CLIP1: variants seen among roughly 807,000 people sequenced by gnomAD.
CLIP1 encodes the protein CAP-Gly domain-containing linker protein 1.
A neutral mutation model predicts 161.6 loss-of-function variants in CLIP1; 66 were observed. The observed-to-expected ratio is 0.41, with a 90% CI of 0.33 to 0.50. The LOEUF (loss-of-function observed/expected upper bound fraction) is 0.50. CLIP1 is among the 20% of genes least tolerant of loss of function. CLIP1 has a pLI of 0.27. For synonymous variants in CLIP1, 598 were observed against 626.2 expected (o/e 0.96, Z 0.67); for missense variants, 1,376 against 1,702.0 (o/e 0.81, Z 3.37).
intron 15 of CLIP1, among the ~76,000 whole-genome samples, chr12:122,329,709 T>G (rs180798138): frequency 6.6e-6 from 1 of 152,018 alleles, no homozygotes; most frequent in South Asian, 2.1e-4. Context: ...TTTAGCAGAC[T>G]AGATTACTAA....
chr12:122,411,051 A>G (rs1028104490), intron 1 of CLIP1, among the ~76,000 whole-genome samples: 2 of 152,210 alleles, frequency 1.3e-5, no homozygotes, highest in African/African-American at 4.8e-5. Flanking sequence ...GAGTTCGCAT[A>G]TGACCCAGCA....
chr12:122,360,059 G>T (rs373065279), intron 5 of CLIP1, among the ~76,000 whole-genome samples: 1 of 152,016 alleles, frequency 6.6e-6, no homozygotes, highest in Non-Finnish European at 1.5e-5. Context: ...AGGGAGAGAG[G>T]GAAAGGGACC....
chr12:122,294,640 G>A (rs1003414358), intron 20 of CLIP1, among the ~76,000 whole-genome samples: 4 of 152,080 alleles, frequency 2.6e-5, no homozygotes, highest in Admixed American at 2.0e-4. Context: ...ACAGACGCCT[G>A]TAGTCCTAGC....
At chr12:122,410,695 G>C (rs1175137878) in intron 1 of CLIP1, among the ~76,000 whole-genome samples, 1 of 152,066 alleles carries the variant, frequency 6.6e-6, no homozygotes, top group Non-Finnish European at 1.5e-5. Context: ...CTGACCTCAA[G>C]TGATCTGCCC....
intron 1 of CLIP1, among the ~76,000 whole-genome samples, chr12:122,404,428 G>A (rs1003524394): frequency 2.6e-4 from 40 of 151,974 alleles, no homozygotes; most frequent in African/African-American, 9.7e-4. Context: ...GGTGAAACCT[G>A]TCTCTACTAA....
chr12:122,397,793 A>G (rs1036430054), intron 1 of CLIP1, among the ~76,000 whole-genome samples: 3 of 150,928 alleles, frequency 2.0e-5, no homozygotes, highest in Non-Finnish European at 3.0e-5. Context: ...TTACTAAAAA[A>G]AAAATATAAA....
chr12:122,330,843 C>T (rs1010811339), intron 15 of CLIP1, among the ~76,000 whole-genome samples: 141 of 151,606 alleles, frequency 9.3e-4, no homozygotes, highest in Non-Finnish European at 1.8e-3. Context: ...CCTCGTGATC[C>T]GCCTGCCTCA....
chr12:122,352,684 C>T (rs753327590), intron 8 of CLIP1, 42 bp downstream of exon 8: 5 of 1,515,966 alleles, frequency 3.3e-6, no homozygotes, highest in Non-Finnish European at 2.8e-6. Flanking sequence ...GTTCTGAATA[C>T]TGATACCCAT....
intron 1 of CLIP1, among the ~76,000 whole-genome samples, chr12:122,390,883 G>A (rs894858448): frequency 2.0e-5 from 3 of 151,888 alleles, no homozygotes; most frequent in African/African-American, 7.3e-5. Flanking sequence ...GTACTCCCTC[G>A]AATATGAGAA....
At chr12:122,366,109 G>A (rs1954154194) in intron 3 of CLIP1, among the ~76,000 whole-genome samples, 1 of 151,906 alleles carries the variant, frequency 6.6e-6, no homozygotes, top group South Asian at 2.1e-4. Context: ...GAGTTTGAGA[G>A]CAGCCTGGCC....
Position 122,316,729 on chromosome 12 carries a change from C to T in CLIP1, c.3473+20G>A. The T allele has an allele frequency of 1.5e-6, 2 of 1,351,318 alleles. No homozygotes were observed. Among genetic ancestry groups the T allele is most frequent in the Non-Finnish European group, 2.0e-6 (2 of 977,956 alleles). 83.7% of individuals were successfully genotyped at this position (1,351,318 alleles called of 1,614,324 possible). ...TTTAAAATAAATTCCATATTTTTTT[C>T]TCAAAGGATAGAAACTTACATTTCT... is the stretch of plus-strand genomic sequence containing the variant. On this transcript the variant is annotated intron_variant, in intron 19 of 25. Coordinates refer to ENST00000620786, the MANE Select transcript of CLIP1 (RefSeq NM_001247997.2).
chr12:122,310,116 T>C (rs1466561614), intron 19 of CLIP1, among the ~76,000 whole-genome samples: 2 of 152,130 alleles, frequency 1.3e-5, no homozygotes, highest in Admixed American at 1.3e-4. Flanking sequence ...ATAAACCCTA[T>C]GCCCACCCTC....
chr12:122,382,509 GAA>G (rs919606367), intron 1 of CLIP1, among the ~76,000 whole-genome samples: 3 of 135,838 alleles, frequency 2.2e-5, no homozygotes, highest in Admixed American at 7.4e-5. Context: ...CCTCGAAAAA[GAA>G]AAAAAAAAAG....
rs188437691 is a variant in CLIP1, at chr12:122,296,927, G to A, written c.3595-8386C>T. Among the ~76,000 whole-genome samples the A allele has an allele frequency of 2.1e-3, 312 of 151,114 alleles. 4 individuals are homozygous for A. Among genetic ancestry groups the A allele is most frequent in the African/African-American group, 7.3e-3 (299 of 41,074 alleles). On this transcript the variant is annotated intron_variant, in intron 20 of 25. Transcript: ENST00000620786. ...TAGAGAGGATGAATGGGAGTACAGC[G>A]TAGACGAGTGGCCAAGAGTTAATTG...
chr12:122,377,079 G>A (rs1447073839), intron 3 of CLIP1, among the ~76,000 whole-genome samples: 3 of 150,044 alleles, frequency 2.0e-5, no homozygotes, highest in South Asian at 2.1e-4. Flanking sequence ...GCGCAATCTC[G>A]GCTCACTGCA....
At chr12:122,366,285 C>T (rs894801406) in intron 3 of CLIP1, among the ~76,000 whole-genome samples, 8 of 146,818 alleles carry the variant, frequency 5.4e-5, no homozygotes, top group South Asian at 2.2e-4. Flanking sequence ...CCAGCCTAGG[C>T]GACAGGGAGA....
chr12:122,347,549 C>A, intron 9 of CLIP1, 70 bp from the exon 10 acceptor site: 1 of 1,165,924 alleles, frequency 8.6e-7, no homozygotes, highest in Non-Finnish European at 1.3e-6. Context: ...AGAGGAGAGA[C>A]AGCGGCATGC....
Position 122,281,230 on chromosome 12 carries a change from G to A in CLIP1, c.3648-2085C>T, listed in dbSNP as rs191903612. Among the ~76,000 whole-genome samples, 268 of 152,306 alleles carry A rather than the reference G, an allele frequency of 1.8e-3. 5 individuals carry two copies. The highest frequency in any genetic ancestry group is 6.0e-3 in the African/African-American group (248 of 41,560). On this transcript the variant is annotated intron_variant, in intron 21 of 25. Transcript: ENST00000620786. Reference sequence around the variant, plus strand: ...AAAACCCCAGCATTACTCACGCACTGGCAACGGGTGGGCATCAGTGCGGGT... The same window carrying A: ...AAAACCCCAGCATTACTCACGCACTAGCAACGGGTGGGCATCAGTGCGGGT...
At chr12:122,278,660 A>G in intron 23 of CLIP1, 132 bp downstream of exon 23, 1 of 925,402 alleles carries the variant, frequency 1.1e-6, no homozygotes. Context: ...TTGATTGATT[A>G]AGTGGTGGAA....
Sources: allele counts gnomAD v4.1 joint callset (sites outside exome capture counted in the v4.1 genomes callset), GRCh38; gene constraint gnomAD v4.1.1; transcripts MANE v1.5; gene names NCBI Gene and HGNC (gene_info 2026-07-23, HGNC 2026-07-21).